FRYL: variants seen among roughly 807,000 people sequenced by gnomAD.
FRYL encodes protein furry homolog-like.
A neutral mutation model predicts 351.2 loss-of-function variants in FRYL; 150 were observed. The observed-to-expected ratio is 0.43, with a 90% CI of 0.37 to 0.49. The LOEUF (loss-of-function observed/expected upper bound fraction) is 0.49. Among genes scored for constraint, FRYL ranks in the 20% least tolerant of loss-of-function variants. FRYL has a pLI of 0.00. For missense variants in FRYL, 3,036 were observed against 3,619.3 expected, an observed-to-expected ratio of 0.84 and a Z score of 4.13; for synonymous variants, 1,153 against 1,257.1, an observed-to-expected ratio of 0.92 and a Z score of 1.75.
At chr4:48,552,317 AAG>A (rs1733040339) in intron 36 of FRYL, among the ~76,000 whole-genome samples, 1 of 150,240 alleles carries the variant, frequency 6.7e-6, no homozygotes, top group Non-Finnish European at 1.5e-5. Flanking sequence ...AATGACTAGA[AAG>A]AGTTTTCTCT....
chr4:48,582,647 C>G lies in FRYL; in HGVS notation c.1836G>C (p.Glu612Asp). The G allele has an allele frequency of 2.5e-6, 4 of 1,614,056 alleles. No individual in the cohort carries two copies. The highest frequency in any genetic ancestry group is 2.5e-6 in the Non-Finnish European group (3 of 1,179,964). ...AATAAACAAATCCTGAAAGAACATC[C>G]TCCCGCCAATCTGGAAAATCAAGCA... ...ALMLDFPDWR[E>D]DVLSGFVYFI... The change falls in exon 20 of 64, where the codon GAG (glutamate) becomes GAC (aspartate). Residue 612 changes from glutamate to aspartate, a missense_variant. This residue lies in a region of FRYL where 492 missense variants were observed against 551.5 expected (regional missense o/e 0.89). Coordinates refer to ENST00000358350, the MANE Select transcript of FRYL (RefSeq NM_015030.2).
At chr4:48,732,840 T>C (rs1238267485) in intron 1 of FRYL, among the ~76,000 whole-genome samples, 3 of 151,376 alleles carry the variant, frequency 2.0e-5, no homozygotes, top group African/African-American at 7.3e-5. Context: ...CGGGTTGATG[T>C]GTGCAGCAAA....
intron 1 of FRYL, among the ~76,000 whole-genome samples, chr4:48,743,808 G>A (rs1772380185): frequency 6.6e-6 from 1 of 152,218 alleles, no homozygotes; most frequent in South Asian, 2.1e-4. Context: ...TCAGAAGGGG[G>A]AATTCTGCTA....
intron 10 of FRYL, 85 bp downstream of exon 10, chr4:48,606,353 C>G: frequency 1.3e-6 from 1 of 742,142 alleles, no homozygotes; most frequent in Admixed American, 2.7e-5. Context: ...CATTAATTTA[C>G]GTGTATTTTG....
intron 3 of FRYL, among the ~76,000 whole-genome samples, chr4:48,644,046 C>T (rs377630600): frequency 3.9e-5 from 6 of 152,132 alleles, no homozygotes; most frequent in Non-Finnish European, 7.4e-5. Context: ...CAGGATCAAG[C>T]GATTCTTCTG....
At position 48,499,499 on chromosome 4, in the gene FRYL, ACT is replaced by A; in HGVS notation, c.8963_8964del (p.Glu2988ValfsTer38). ...KLMELNLEIR[E>X]SLRMVQSYQL... is the part of the protein sequence containing the mutation. ...TGGTATGATTGCACCATGCGTAGAG[ACT>A]CTCTTATTTCCAGATTAAGTTCCAT... On this transcript the variant is annotated frameshift_variant, in exon 64 of 64. Coordinates refer to ENST00000358350, the MANE Select transcript of FRYL (RefSeq NM_015030.2). LOFTEE classifies it high-confidence loss of function. 2 of 1,613,582 alleles carry A rather than the reference ACT, an allele frequency of 1.2e-6. No homozygotes were observed. The highest frequency in any genetic ancestry group is 1.7e-6 in the Non-Finnish European group (2 of 1,179,764).
Position 48,634,447 on chromosome 4 carries a change from G to A in FRYL, c.-37C>T. On this transcript the variant is annotated 5_prime_UTR_variant, in exon 4 of 64. Coordinates refer to ENST00000358350, the MANE Select transcript of FRYL (RefSeq NM_015030.2). ...TTTTTCCCCAAGTGGAATGAAAGTT[G>A]GAAGAAGCACAGTATTTATTTACTT... 1.2e-6 allele frequency: 2 copies of A among 1,611,466 alleles called. No individual in the cohort carries two copies. Among genetic ancestry groups the A allele is most frequent in the African/African-American group, 1.3e-5 (1 of 74,886 alleles).
intron 1 of FRYL, among the ~76,000 whole-genome samples, chr4:48,769,941 A>G (rs2109408862): frequency 6.6e-6 from 1 of 152,332 alleles, no homozygotes; most frequent in Non-Finnish European, 1.5e-5. Context: ...CTTGAGCTTC[A>G]CGAGGGAGTT....
At chr4:48,761,623 T>C (rs189681954) in intron 1 of FRYL, among the ~76,000 whole-genome samples, 1 of 152,348 alleles carries the variant, frequency 6.6e-6, no homozygotes, top group Admixed American at 6.5e-5. Flanking sequence ...TTTTATGCCC[T>C]ATGTCTACTG....
intron 1 of FRYL, among the ~76,000 whole-genome samples, chr4:48,733,880 C>T (rs1416888073): frequency 1.3e-5 from 2 of 151,764 alleles, no homozygotes; most frequent in African/African-American, 4.8e-5. Flanking sequence ...TCAGCAACCA[C>T]TTAAAAAAGC....
Position 48,710,536 on chromosome 4 carries a change from T to G in FRYL, c.-221A>C, listed in dbSNP as rs375612407. ...GTCCTTACCACTTAGAAATGGTTGT[T>G]GAGGCACAGAGTTTGTAGAAAAGAC... On this transcript the variant is annotated 5_prime_UTR_variant, in exon 2 of 64. Transcript: ENST00000358350. 1 of 398,472 alleles carries G rather than the reference T, an allele frequency of 2.5e-6. No individual in the cohort carries two copies. The highest frequency in any genetic ancestry group is 1.3e-4 in the South Asian group (1 of 7,860). 24.7% of individuals were successfully genotyped at this position (398,472 alleles called of 1,614,324 possible). A position where few individuals can be genotyped will look rare whatever the true frequency, so the allele number is the denominator to read the frequency against.
intron 1 of FRYL, among the ~76,000 whole-genome samples, chr4:48,743,731 AT>A (rs1772369266): frequency 6.6e-6 from 1 of 152,178 alleles, no homozygotes; most frequent in Non-Finnish European, 1.5e-5. Context: ...AGTAAAGCAG[AT>A]TACTCTCCAA....
At chr4:48,718,129 A>C (rs1398979478) in intron 1 of FRYL, among the ~76,000 whole-genome samples, 1 of 151,590 alleles carries the variant, frequency 6.6e-6, no homozygotes, top group East Asian at 1.9e-4. Context: ...TTTTTATCCC[A>C]ATAACAGAGT....
intron 49 of FRYL, among the ~76,000 whole-genome samples, chr4:48,531,753 C>A (rs957273838): frequency 6.6e-6 from 1 of 152,092 alleles, no homozygotes; most frequent in Non-Finnish European, 1.5e-5. Context: ...TAAGTCTTTG[C>A]AGATAAAAAT....
At chr4:48,741,141 C>T (rs1388180891) in intron 1 of FRYL, among the ~76,000 whole-genome samples, 1 of 152,076 alleles carries the variant, frequency 6.6e-6, no homozygotes, top group Non-Finnish European at 1.5e-5. Context: ...GGTGTGGTGG[C>T]TCACGCCTGT....
chr4:48,596,039 T>G, intron 13 of FRYL, 39 bp from the exon 14 acceptor site: 1 of 1,276,626 alleles, frequency 7.8e-7, no homozygotes, highest in East Asian at 2.4e-5. Context: ...ATTATAATAC[T>G]TGCAATCACT....
intron 11 of FRYL, among the ~76,000 whole-genome samples, chr4:48,603,854 G>A (rs1228123070): frequency 3.3e-5 from 5 of 152,162 alleles, no homozygotes; most frequent in Non-Finnish European, 1.5e-5. Flanking sequence ...TCTTGCCTTA[G>A]GATGTCTACG....
At chr4:48,655,720 T>C (rs1758727543) in intron 3 of FRYL, among the ~76,000 whole-genome samples, 1 of 146,556 alleles carries the variant, frequency 6.8e-6, no homozygotes, top group East Asian at 2.0e-4. Flanking sequence ...ACATATAATG[T>C]ATAAGTATAT....
rs117735132 is a variant in FRYL, at chr4:48,764,734, C to T, written c.-384+15344G>A. Among the ~76,000 whole-genome samples, 474 of 152,184 alleles carry T rather than the reference C, an allele frequency of 3.1e-3. 8 individuals carry two copies. The highest frequency in any genetic ancestry group is 0.023 in the East Asian group (119 of 5,166). On this transcript the variant is annotated intron_variant, in intron 1 of 63. Transcript: ENST00000358350. ...TACATAGAAAAATATCCCATGTTCA[C>T]GAATTGAAAGAATATTATTTTGTAA...
Sources: allele counts gnomAD v4.1 joint callset (sites outside exome capture counted in the v4.1 genomes callset), GRCh38; gene constraint gnomAD v4.1.1; regional missense constraint gnomAD v4.1.1; transcripts MANE v1.5; gene names NCBI Gene and HGNC (gene_info 2026-07-23, HGNC 2026-07-21).